The following CDH22 variants were observed in gnomAD, a reference collection of about 807,000 sequenced individuals.
The protein encoded by CDH22 is cadherin-22.
CDH22 carries 30 observed loss-of-function variants against 58.4 expected under a neutral mutation model. The observed-to-expected ratio is 0.51, with a 90% CI of 0.38 to 0.70. The LOEUF is 0.70. CDH22 is among the 30% of genes least tolerant of loss of function. The pLI is 0.00. For synonymous variants in CDH22, 513 were observed against 558.2 expected, an observed-to-expected ratio of 0.92 and a Z score of 1.14; for missense variants, 1,014 against 1,233.9, an observed-to-expected ratio of 0.82 and a Z score of 2.67.
intron 7 of CDH22, among the ~76,000 whole-genome samples, chr20:46,203,728 C>A (rs185979466): frequency 1.6e-4 from 24 of 152,248 alleles, no homozygotes; most frequent in African/African-American, 5.5e-4. Flanking sequence ...ACACAGGAGT[C>A]CCCCCAACCC....
At chr20:46,248,255 G>A (rs1011211072) in intron 2 of CDH22, among the ~76,000 whole-genome samples, 1 of 152,236 alleles carries the variant, frequency 6.6e-6, no homozygotes, top group Non-Finnish European at 1.5e-5. Flanking sequence ...GGTAGGGGCA[G>A]ATGAAGGCGT....
At chr20:46,256,078 T>G (rs1485631052) in intron 1 of CDH22, among the ~76,000 whole-genome samples, 1 of 152,214 alleles carries the variant, frequency 6.6e-6, no homozygotes, top group African/African-American at 2.4e-5. Flanking sequence ...CGTGCGAACA[T>G]GTGTCTGCAG....
chr20:46,224,171 T>C (rs1256484616), intron 4 of CDH22, among the ~76,000 whole-genome samples: 3 of 152,166 alleles, frequency 2.0e-5, no homozygotes, highest in Non-Finnish European at 2.9e-5. Flanking sequence ...TTAATCTAAG[T>C]CCTTCCTCTG....
chr20:46,210,074 G>T lies in CDH22; in HGVS notation c.1286+233C>A. 2.3e-6 allele frequency: 1 copy of T among 433,950 alleles called. No individual in the cohort carries two copies. The highest frequency in any genetic ancestry group is 4.1e-6 in the Non-Finnish European group (1 of 246,102). 26.9% of individuals were successfully genotyped at this position (433,950 alleles called of 1,614,324 possible). A position where few individuals can be genotyped will look rare whatever the true frequency, so the allele number is the denominator to read the frequency against. On this transcript the variant is annotated intron_variant, in intron 7 of 11. Coordinates refer to ENST00000537909, the MANE Select transcript of CDH22 (RefSeq NM_021248.3). The surrounding 1 kb of genome is among the most constrained non-coding windows in gnomAD (Gnocchi z 4.5). ...GTCCCTCCTGGTTCTCTCCCTTATT[G>T]GCCTGGCTCGCCTGCCTGTCTCATT...
chr20:46,276,088 T>A (rs891302468), intron 1 of CDH22, among the ~76,000 whole-genome samples: 2 of 152,024 alleles, frequency 1.3e-5, no homozygotes, highest in Admixed American at 6.6e-5. Flanking sequence ...AGAGGAGAGA[T>A]GCTGGTGAGG....
rs190506100 is a variant in CDH22 at position 46,228,235 on chromosome 20, C to T, written c.551-608G>A. 4.6e-3 allele frequency among the ~76,000 whole-genome samples: 704 copies of T among 151,672 alleles called. 3 individuals are homozygous for T. Among genetic ancestry groups the T allele is most frequent in the Non-Finnish European group, 6.9e-3 (468 of 68,022 alleles). ...GGTCAGAGGCCAGTGTCTCTTGGCC[C>T]CCGGCAGGAGAGGGCAGCACCCAGC... On this transcript the variant is annotated intron_variant, in intron 3 of 11. Transcript: ENST00000537909.
chr20:46,194,759 T>G (rs1386690260), intron 8 of CDH22, among the ~76,000 whole-genome samples: 1 of 152,202 alleles, frequency 6.6e-6, no homozygotes, highest in Non-Finnish European at 1.5e-5. Flanking sequence ...AGATGGAGTC[T>G]CGGTCTGTCT....
intron 8 of CDH22, among the ~76,000 whole-genome samples, chr20:46,188,952 C>T (rs965471802): frequency 6.6e-6 from 1 of 151,828 alleles, no homozygotes. Flanking sequence ...AGCCTGAAAG[C>T]TTCCAGGCAT....
At chr20:46,186,357 C>T (rs74533257) in intron 10 of CDH22, among the ~76,000 whole-genome samples, 10,290 of 151,948 alleles carry the variant, frequency 0.068, 402 homozygotes, top group East Asian at 0.2. Flanking sequence ...TCTATATCTT[C>T]CCATCTGCCA....
At position 46,233,775 on chromosome 20, in the gene CDH22, C is replaced by T. The variant is rs905116811; in HGVS notation, c.551-6148G>A. ...CCAGGGCCTCGGCTCCTGTCTGCTGCTTCTCCCCACCAGAAGCCTCCTGTC... is the reference window on the plus strand; with the variant it reads ...CCAGGGCCTCGGCTCCTGTCTGCTGTTTCTCCCCACCAGAAGCCTCCTGTC... On this transcript the variant is annotated intron_variant, in intron 3 of 11. Coordinates refer to ENST00000537909, the MANE Select transcript of CDH22 (RefSeq NM_021248.3). Among the ~76,000 whole-genome samples, 3 of 152,268 alleles carry T rather than the reference C, an allele frequency of 2.0e-5. No homozygotes were observed. The South Asian group carries it at 6.2e-4, about 31-fold the overall frequency.
At chr20:46,275,395 A>G (rs2086512832) in intron 1 of CDH22, among the ~76,000 whole-genome samples, 1 of 151,168 alleles carries the variant, frequency 6.6e-6, no homozygotes, top group Non-Finnish European at 1.5e-5. Context: ...CAACCCGACC[A>G]CTCCACCTAA....
At chr20:46,281,024 T>G (rs2086548521) in intron 1 of CDH22, among the ~76,000 whole-genome samples, 1 of 152,204 alleles carries the variant, frequency 6.6e-6, no homozygotes, top group African/African-American at 2.4e-5. Flanking sequence ...ACAATCTAAC[T>G]GGGGTAGCAG....
At chr20:46,201,370 T>C (rs1405705405) in intron 7 of CDH22, among the ~76,000 whole-genome samples, 1 of 152,230 alleles carries the variant, frequency 6.6e-6, no homozygotes, top group East Asian at 1.9e-4. Context: ...GACCCGTCTG[T>C]GAGGCCTTGG....
At chr20:46,247,052 C>CG (rs950493995) in intron 2 of CDH22, among the ~76,000 whole-genome samples, 1 of 151,644 alleles carries the variant, frequency 6.6e-6, no homozygotes, top group South Asian at 2.1e-4. Flanking sequence ...AACCTTCCCC[C>CG]CCACTTAGTG....
intron 1 of CDH22, among the ~76,000 whole-genome samples, chr20:46,307,650 GA>G: frequency 6.6e-6 from 1 of 152,108 alleles, no homozygotes; most frequent in East Asian, 1.9e-4. Context: ...CCCCGGCTCA[GA>G]GGGGACCAGA....
intron 1 of CDH22, among the ~76,000 whole-genome samples, chr20:46,271,983 A>T (rs1195343250): frequency 6.6e-6 from 1 of 152,156 alleles, no homozygotes; most frequent in Non-Finnish European, 1.5e-5. Context: ...CTCTTCCCTA[A>T]AACTGACTCT....
chr20:46,181,744 C>T lies in CDH22; in HGVS notation c.1664-3547G>A, dbSNP rs12105997. Among the ~76,000 whole-genome samples, 101 of 30,732 alleles carry T rather than the reference C, an allele frequency of 3.3e-3. 1 individual carries two copies. The highest frequency in any genetic ancestry group is 6.7e-3 in the African/African-American group (74 of 11,110). 20.2% of individuals were successfully genotyped at this position (30,732 alleles called of 152,430 possible). On this transcript the variant is annotated intron_variant, in intron 10 of 11. Transcript: ENST00000537909. Reference sequence around the variant, plus strand: ...CCTTCCTTCCTTCCTTCCTTCCTTCCTTCCTTCCTTCTTTCTTTCTTTCTT... The same window carrying T: ...CCTTCCTTCCTTCCTTCCTTCCTTCTTTCCTTCCTTCTTTCTTTCTTTCTT...
intron 10 of CDH22, among the ~76,000 whole-genome samples, chr20:46,182,234 T>C (rs1009458411): frequency 1.3e-5 from 2 of 152,166 alleles, no homozygotes; most frequent in Non-Finnish European, 2.9e-5. Flanking sequence ...TTGAGCATCA[T>C]CTCTCTGTCA....
chr20:46,201,432 A>G (rs2085960751), intron 7 of CDH22, among the ~76,000 whole-genome samples: 2 of 152,110 alleles, frequency 1.3e-5, no homozygotes, highest in Non-Finnish European at 2.9e-5. Context: ...TGAAATGGGG[A>G]TATTGACACC....
Sources: allele counts gnomAD v4.1 joint callset (sites outside exome capture counted in the v4.1 genomes callset), GRCh38; gene constraint gnomAD v4.1.1; non-coding constraint Gnocchi (gnomAD v3.1); transcripts MANE v1.5; gene names NCBI Gene and HGNC (gene_info 2026-07-23, HGNC 2026-07-21).